The following PARVA variants were observed in gnomAD, a reference collection of about 807,000 sequenced individuals.
PARVA encodes the protein alpha-parvin.
In PARVA, 25 loss-of-function variants were observed where a neutral mutation model predicts 52.6. The ratio of observed to expected loss-of-function variants is 0.48; its 90% CI spans 0.35 to 0.66. The LOEUF (loss-of-function observed/expected upper bound fraction) is 0.66. PARVA is among the 30% of genes least tolerant of loss of function. The pLI, the probability that PARVA is intolerant of heterozygous loss-of-function variation, is 0.01. For missense variants in PARVA, 373 were observed against 450.9 expected, an observed-to-expected ratio of 0.83 and a Z score of 1.56; for synonymous variants, 185 against 179.1, an observed-to-expected ratio of 1.03 and a Z score of -0.26.
intron 4 of PARVA, among the ~76,000 whole-genome samples, chr11:12,495,006 C>T (rs997542177): frequency 1.3e-5 from 2 of 152,164 alleles, no homozygotes; most frequent in African/African-American, 4.8e-5. Context: ...ACAATTACAT[C>T]ATCTGAAAAT....
chr11:12,494,038 T>C (rs1003321897), intron 4 of PARVA, among the ~76,000 whole-genome samples: 5 of 152,238 alleles, frequency 3.3e-5, no homozygotes, highest in African/African-American at 9.6e-5. Context: ...TTTGCTAGAA[T>C]GGCACACAGA....
At chr11:12,474,243 A>C (rs1193641691) in intron 3 of PARVA, among the ~76,000 whole-genome samples, 1 of 152,184 alleles carries the variant, frequency 6.6e-6, no homozygotes, top group Non-Finnish European at 1.5e-5. Context: ...CACGATGGCC[A>C]GGATTCCAGA....
chr11:12,483,533 C>T (rs373273024), intron 4 of PARVA, among the ~76,000 whole-genome samples: 126 of 152,316 alleles, frequency 8.3e-4, no homozygotes, highest in African/African-American at 3.0e-3. Context: ...TCCTATGGCT[C>T]CTTTCCCCCT....
rs878978800 is a variant in PARVA, at chr11:12,477,948, C to T, written c.399C>T (p.Phe133=). Residue 133 remains phenylalanine (F), a splice_region_variant and synonymous_variant, in exon 4 of 13, where the codon TTC becomes TTT. Coordinates refer to ENST00000334956, the MANE Select transcript of PARVA (RefSeq NM_018222.5). ...LYDGQVLQKL[F]EKLESEKLNV... ...ATGGACAAGTCCTGCAGAAGCTTTT[C>T]GGTAGGAGAGTTGAGTGCTGCAATG... 25 of 1,566,312 alleles carry T rather than the reference C, an allele frequency of 1.6e-5. No homozygotes were observed. The highest frequency in any genetic ancestry group is 3.3e-5 in the South Asian group (3 of 90,058).
chr11:12,454,597 G>C (rs912233617), intron 1 of PARVA, among the ~76,000 whole-genome samples: 9 of 149,524 alleles, frequency 6.0e-5, no homozygotes, highest in Non-Finnish European at 1.3e-4. Context: ...AAAAGAAGAA[G>C]AACTTCTGAC....
intron 4 of PARVA, among the ~76,000 whole-genome samples, chr11:12,491,500 A>C (rs537139792): frequency 6.6e-6 from 1 of 152,310 alleles, no homozygotes; most frequent in Non-Finnish European, 1.5e-5. Flanking sequence ...GGACACGCGA[A>C]GGTTGAAAGA....
intron 1 of PARVA, among the ~76,000 whole-genome samples, chr11:12,400,696 ATT>A (rs1225164114): frequency 6.6e-6 from 1 of 151,900 alleles, no homozygotes; most frequent in Non-Finnish European, 1.5e-5. Context: ...AGTTGGGCCT[ATT>A]TTGTAAGTAT....
At chr11:12,428,426 C>T (rs1417789441) in intron 1 of PARVA, among the ~76,000 whole-genome samples, 1 of 152,186 alleles carries the variant, frequency 6.6e-6, no homozygotes, top group Non-Finnish European at 1.5e-5. Context: ...TATGCTTCAA[C>T]ATTACTAAGC....
At chr11:12,507,674 C>T (rs561879091) in intron 6 of PARVA, among the ~76,000 whole-genome samples, 2 of 152,234 alleles carry the variant, frequency 1.3e-5, no homozygotes, top group Admixed American at 6.5e-5. Context: ...TCCTGGCCTG[C>T]ATTCAGCACT....
chr11:12,525,919 T>TG (rs1324586187), intron 12 of PARVA, among the ~76,000 whole-genome samples: 2 of 150,170 alleles, frequency 1.3e-5, no homozygotes, highest in African/African-American at 2.5e-5. Context: ...GGCCTTGGGG[T>TG]GGGGGGAACC....
intron 1 of PARVA, among the ~76,000 whole-genome samples, chr11:12,385,461 A>T (rs1158937872): frequency 4.6e-5 from 7 of 152,214 alleles, no homozygotes; most frequent in Non-Finnish European, 1.0e-4. Context: ...GCAGATCTTG[A>T]TGAAAGATCG....
intron 1 of PARVA, among the ~76,000 whole-genome samples, chr11:12,414,386 T>C (rs1164404521): frequency 7.0e-6 from 1 of 143,142 alleles, no homozygotes; most frequent in Non-Finnish European, 1.5e-5. Context: ...TGCGAAACTT[T>C]TGTGTTAGCC....
chr11:12,504,296 A>G lies in PARVA; in HGVS notation c.542-18A>G. On this transcript the variant is annotated intron_variant, in intron 5 of 12. Transcript: ENST00000334956. Reference sequence around the variant, plus strand: ...CTGGAAGAAGATGCTGTAATTTTTCAATCTTCTTTCATTTCAGCTGTTCAT... The same window carrying G: ...CTGGAAGAAGATGCTGTAATTTTTCGATCTTCTTTCATTTCAGCTGTTCAT... 1 of 1,420,946 alleles carries G rather than the reference A, an allele frequency of 7.0e-7. No individual in the cohort carries two copies. Among genetic ancestry groups the G allele is most frequent in the Non-Finnish European group, 9.9e-7 (1 of 1,005,544 alleles). The allele number at this position is 1,420,946 out of a possible 1,614,324, so 88.0% of individuals were successfully genotyped here.
intron 4 of PARVA, among the ~76,000 whole-genome samples, chr11:12,482,132 GGCA>G (rs1941095663): frequency 6.7e-6 from 1 of 149,784 alleles, no homozygotes; most frequent in African/African-American, 2.5e-5. Context: ...CTCCAGCCTG[GGCA>G]GCAAGAACGA....
In PARVA at chr11:12,412,085, C is replaced by T. The variant is rs181882586; in HGVS notation, c.136+34302C>T. 7.0e-3 allele frequency among the ~76,000 whole-genome samples: 1,068 copies of T among 152,306 alleles called. 62 individuals are homozygous for T. Among genetic ancestry groups the T allele is most frequent in the Admixed American group, 0.063 (961 of 15,298 alleles). On this transcript the variant is annotated intron_variant, in intron 1 of 12. Coordinates refer to ENST00000334956, the MANE Select transcript of PARVA (RefSeq NM_018222.5). Reference sequence around the variant, plus strand: ...TCCTCCCTGATGCAATTCCCACTTTCCTTACAGAGACTGACACTGTCCCTA... The same window carrying T: ...TCCTCCCTGATGCAATTCCCACTTTTCTTACAGAGACTGACACTGTCCCTA...
chr11:12,520,097 T>C (rs1364758078), intron 12 of PARVA, among the ~76,000 whole-genome samples: 1 of 152,252 alleles, frequency 6.6e-6, no homozygotes, highest in African/African-American at 2.4e-5. Flanking sequence ...GGACAGATAA[T>C]TTTCCCAATA....
chr11:12,468,191 G>A (rs776214650), intron 1 of PARVA, among the ~76,000 whole-genome samples: 4 of 152,150 alleles, frequency 2.6e-5, no homozygotes, highest in African/African-American at 4.8e-5. Context: ...GTGTAGCACC[G>A]TGTGCATTGC....
intron 8 of PARVA, among the ~76,000 whole-genome samples, chr11:12,511,858 G>C (rs977186822): frequency 6.6e-6 from 1 of 152,186 alleles, no homozygotes; most frequent in African/African-American, 2.4e-5. Flanking sequence ...TGAAGGAGGA[G>C]ATTATGATCT....
intron 1 of PARVA, among the ~76,000 whole-genome samples, chr11:12,443,384 A>G (rs1465686006): frequency 2.5e-4 from 37 of 150,608 alleles, no homozygotes; most frequent in Non-Finnish European, 4.4e-5. Context: ...GTTGGCCAGG[A>G]TGGTCTCAAT....
Sources: gnomAD v4.1 joint callset for allele counts (sites outside exome capture counted in the v4.1 genomes callset) on GRCh38, gnomAD v4.1.1 for gene constraint, MANE v1.5 for transcripts, NCBI Gene and HGNC (gene_info 2026-07-23, HGNC 2026-07-21) for gene names.